Variants in AHI1 observed in about 807,000 individuals in gnomAD.
AHI1 encodes the protein Abelson helper integration site 1.
Under a neutral mutation model 149.3 loss-of-function variants are expected in AHI1, and 123 were observed. The ratio of observed to expected loss-of-function variants is 0.82; its 90% CI spans 0.71 to 0.96. The LOEUF (loss-of-function observed/expected upper bound fraction) is 0.96. Among genes scored for constraint, AHI1 ranks in the 40% least tolerant of loss-of-function variants. AHI1 has a pLI of 0.00. For missense variants in AHI1, 1,439 were observed against 1,422.7 expected, an observed-to-expected ratio of 1.01 and a Z score of -0.18; for synonymous variants, 475 against 459.8, an observed-to-expected ratio of 1.03 and a Z score of -0.42.
chr6:135,402,006 T>G (rs1173460219), intron 22 of AHI1, among the ~76,000 whole-genome samples: 1 of 152,002 alleles, frequency 6.6e-6, no homozygotes, highest in Non-Finnish European at 1.5e-5. Flanking sequence ...ATCCCAATTT[T>G]AAAACCAGGT....
rs777012318 is a variant in AHI1, at chr6:135,457,704, T to C, written c.941A>G (p.Asn314Ser). 9 of 1,613,740 alleles carry C rather than the reference T, an allele frequency of 5.6e-6. No individual in the cohort carries two copies. The highest frequency in any genetic ancestry group is 1.3e-5 in the African/African-American group (1 of 74,932). Residue 314 changes from asparagine (N) to serine (S), a missense_variant, in exon 9 of 29, where the codon AAT becomes AGT. Physicochemically the swap from Asn to Ser is conservative, Grantham distance 46. Transcript: ENST00000265602. ...TKKKTKAVAD[N>S]NEDVDGDGVH... ...ACCATCACCATCAACATCTTCATTATTATCTGCAACTACACGCATGGAAAA... is the reference window on the plus strand; with the variant it reads ...ACCATCACCATCAACATCTTCATTACTATCTGCAACTACACGCATGGAAAA...
chr6:135,446,930 A>C, intron 13 of AHI1, 78 bp downstream of exon 13: 1 of 1,381,868 alleles, frequency 7.2e-7, no homozygotes, highest in Non-Finnish European at 9.7e-7. Flanking sequence ...GTAGTAAGCT[A>C]GATATCCTAG....
In AHI1 at chr6:135,422,394, T is replaced by A. The variant is rs557461377; in HGVS notation, c.2764+4773A>T. The stretch of plus-strand genomic sequence containing the variant: ...TAGTCGAGTATCCTGTGGTCCCAGC[T>A]ACTCGGGAGGCTGAGGTGGGAGGAC... On this transcript the variant is annotated intron_variant, in intron 20 of 28. Transcript: ENST00000265602. 5.0e-4 allele frequency among the ~76,000 whole-genome samples: 76 copies of A among 151,934 alleles called. 2 individuals are homozygous for A. The Middle Eastern group carries it at 0.01, about 20-fold the overall frequency.
At chr6:135,353,304 C>A (rs1792444666) in intron 24 of AHI1, among the ~76,000 whole-genome samples, 1 of 152,014 alleles carries the variant, frequency 6.6e-6, no homozygotes, top group African/African-American at 2.4e-5. Flanking sequence ...TTTATCAGTT[C>A]CCTCTCCACC....
intron 24 of AHI1, among the ~76,000 whole-genome samples, chr6:135,344,752 T>TTCTCTC (rs1042820078): frequency 6.6e-6 from 1 of 150,700 alleles, no homozygotes; most frequent in Admixed American, 6.6e-5. Context: ...CTCCTTTCCT[T>TTCTCTC]TCTCTCTCTC....
At chr6:135,345,851 T>C (rs146807893) in intron 24 of AHI1, among the ~76,000 whole-genome samples, 1 of 152,156 alleles carries the variant, frequency 6.6e-6, no homozygotes, top group East Asian at 1.9e-4. Context: ...AAGAACATCA[T>C]GGAAATGATT....
At chr6:135,327,401 G>A (rs189438331) in intron 24 of AHI1, among the ~76,000 whole-genome samples, 3 of 152,354 alleles carry the variant, frequency 2.0e-5, no homozygotes, top group Admixed American at 6.5e-5. Context: ...GATGACTGGT[G>A]AGGCTACGTT....
chr6:135,353,630 C>G (rs1303012202), intron 24 of AHI1, among the ~76,000 whole-genome samples: 3 of 152,022 alleles, frequency 2.0e-5, no homozygotes, highest in Non-Finnish European at 2.9e-5. Flanking sequence ...TGATAACAAT[C>G]TAACAACAAT....
At chr6:135,322,092 A>G (rs1328032089) in intron 25 of AHI1, among the ~76,000 whole-genome samples, 1 of 152,226 alleles carries the variant, frequency 6.6e-6, no homozygotes. Flanking sequence ...CGTGAGCCAC[A>G]GTGCCTGGCC....
chr6:135,398,742 C>A (rs1779613872), intron 22 of AHI1, among the ~76,000 whole-genome samples: 1 of 152,262 alleles, frequency 6.6e-6, no homozygotes, highest in South Asian at 2.1e-4. Flanking sequence ...TGGTCTTGAA[C>A]CCCTGAACTT....
intron 23 of AHI1, among the ~76,000 whole-genome samples, chr6:135,360,806 A>T (rs921449259): frequency 3.9e-5 from 6 of 152,240 alleles, no homozygotes; most frequent in African/African-American, 1.4e-4. Context: ...AGATAGAATA[A>T]ATCGACCTAT....
Position 135,300,332 on chromosome 6 carries a change from AAAAAAAAAG to A in AHI1, c.3485+159_3485+167del, listed in dbSNP as rs1451443446. Among the ~76,000 whole-genome samples, 229 of 151,430 alleles carry A rather than the reference AAAAAAAAAG, an allele frequency of 1.5e-3. 1 individual carries two copies. The highest frequency in any genetic ancestry group is 5.2e-3 in the African/African-American group (214 of 40,934). On this transcript the variant is annotated intron_variant, in intron 27 of 28. Transcript: ENST00000265602. ...ACAGCAAGACTCTGTCTCCAAAAAA[AAAAAAAAAG>A]AAAAAAAAATCGTAAACAAGCTAAA...
intron 21 of AHI1, among the ~76,000 whole-genome samples, chr6:135,409,139 C>T (rs1421818825): frequency 1.3e-5 from 2 of 152,068 alleles, no homozygotes; most frequent in African/African-American, 2.4e-5. Flanking sequence ...TTTTTCTTCA[C>T]TGTTTAATTA....
intron 24 of AHI1, among the ~76,000 whole-genome samples, chr6:135,356,857 A>G (rs1793052172): frequency 6.6e-6 from 1 of 152,154 alleles, no homozygotes; most frequent in African/African-American, 2.4e-5. Context: ...AATCATAGGG[A>G]TTTATTACAA....
chr6:135,480,151 C>T (rs1358344642), intron 5 of AHI1, among the ~76,000 whole-genome samples: 3 of 152,124 alleles, frequency 2.0e-5, no homozygotes, highest in Non-Finnish European at 2.9e-5. Flanking sequence ...TTAAATAATG[C>T]CACTTCACAT....
intron 14 of AHI1, among the ~76,000 whole-genome samples, chr6:135,438,867 T>C (rs1785822485): frequency 6.6e-6 from 1 of 152,172 alleles, no homozygotes; most frequent in African/African-American, 2.4e-5. Flanking sequence ...GAAAATCAAC[T>C]AAATGCCAAC....
intron 8 of AHI1, among the ~76,000 whole-genome samples, chr6:135,458,503 G>T (rs1358335128): frequency 6.6e-6 from 1 of 152,140 alleles, no homozygotes; most frequent in African/African-American, 2.4e-5. Flanking sequence ...TCTGCCAGGG[G>T]AAGGGGACCA....
intron 21 of AHI1, among the ~76,000 whole-genome samples, chr6:135,405,742 C>T (rs1377011434): frequency 6.6e-6 from 1 of 151,702 alleles, no homozygotes; most frequent in African/African-American, 2.4e-5. Flanking sequence ...TACCTGTAGT[C>T]CCAGCTACTC....
chr6:135,429,780 G>C (rs1299675464), intron 18 of AHI1, 102 bp downstream of exon 18: 3 of 662,010 alleles, frequency 4.5e-6, no homozygotes, highest in East Asian at 2.9e-5. Context: ...GTGAGTGTGG[G>C]GACACTGCTT....
Sources: gnomAD v4.1 joint callset for allele counts (sites outside exome capture counted in the v4.1 genomes callset) on GRCh38, gnomAD v4.1.1 for gene constraint, MANE v1.5 for transcripts, NCBI Gene and HGNC (gene_info 2026-07-23, HGNC 2026-07-21) for gene names.